LINGO2: variants seen among roughly 807,000 people sequenced by gnomAD.
The protein encoded by LINGO2 is leucine-rich repeat and immunoglobulin-like domain-containing nogo receptor-interacting protein 2.
Under a neutral mutation model 30.6 loss-of-function variants are expected in LINGO2, and 14 were observed. That is an observed-to-expected ratio of 0.46 (90% CI 0.30 to 0.72). The LOEUF is 0.72. LINGO2 is among the 30% of genes least tolerant of loss of function. The pLI, the probability that LINGO2 is intolerant of heterozygous loss-of-function variation, is 0.07. For missense variants in LINGO2, 729 were observed against 751.7 expected (o/e 0.97, Z 0.35); for synonymous variants, 317 against 288.5 (o/e 1.10, Z -1.00).
At chr9:28,087,585 T>C (rs1353595290) in intron 4 of LINGO2, among the ~76,000 whole-genome samples, 1 of 152,028 alleles carries the variant, frequency 6.6e-6, no homozygotes, top group Non-Finnish European at 1.5e-5. Context: ...GGGGAATCTT[T>C]TCCTGGAATG....
chr9:28,201,515 T>C (rs919387351), intron 4 of LINGO2, among the ~76,000 whole-genome samples: 2 of 150,394 alleles, frequency 1.3e-5, no homozygotes, highest in African/African-American at 2.5e-5. Context: ...TCTTTGCTAT[T>C]GTGAATAATG....
intron 4 of LINGO2, among the ~76,000 whole-genome samples, chr9:28,105,870 C>A (rs1363710565): frequency 6.6e-6 from 1 of 152,034 alleles, no homozygotes; most frequent in African/African-American, 2.4e-5. Context: ...GGATTTCTGG[C>A]CTATGGAACT....
chr9:28,052,887 A>T (rs1824740653), intron 4 of LINGO2, among the ~76,000 whole-genome samples: 1 of 152,120 alleles, frequency 6.6e-6, no homozygotes, highest in Admixed American at 6.6e-5. Flanking sequence ...TATCTAGATA[A>T]TTGCTACTGT....
the LINGO2 span, among the ~76,000 whole-genome samples, chr9:28,949,514 A>G: frequency 6.6e-6 from 1 of 152,210 alleles, no homozygotes. Flanking sequence ...ATCTAGAAGA[A>G]ATGGATAAAT....
chr9:28,789,100 A>C, the LINGO2 span, among the ~76,000 whole-genome samples: 1 of 152,168 alleles, frequency 6.6e-6, no homozygotes, highest in Non-Finnish European at 1.5e-5. Context: ...GATTTTGGAT[A>C]AACTTAGAAT....
chr9:28,176,605 G>T (rs2133688956), intron 4 of LINGO2, among the ~76,000 whole-genome samples: 1 of 152,232 alleles, frequency 6.6e-6, no homozygotes. Flanking sequence ...AGTACAAAAT[G>T]CTTGCACATA....
chr9:28,380,572 T>C (rs1471690454), intron 2 of LINGO2, among the ~76,000 whole-genome samples: 4 of 151,596 alleles, frequency 2.6e-5, no homozygotes, highest in Non-Finnish European at 5.9e-5. Context: ...ACATGTAGGG[T>C]AGGAGTGAGG....
intron 4 of LINGO2, among the ~76,000 whole-genome samples, chr9:28,276,672 T>C (rs987563775): frequency 2.0e-5 from 3 of 152,196 alleles, no homozygotes; most frequent in African/African-American, 7.2e-5. Flanking sequence ...CTTCATAATA[T>C]CTGTGATTGT....
the LINGO2 span, among the ~76,000 whole-genome samples, chr9:29,081,160 C>T: frequency 1.3e-5 from 2 of 151,970 alleles, no homozygotes; most frequent in Admixed American, 1.3e-4. Context: ...TGATGAACAT[C>T]GATGCAAAAA....
intron 4 of LINGO2, among the ~76,000 whole-genome samples, chr9:28,151,562 A>G (rs1329303339): frequency 6.6e-6 from 1 of 151,866 alleles, no homozygotes; most frequent in African/African-American, 2.4e-5. Flanking sequence ...GCTATGTAAT[A>G]TAATTCAAGA....
chr9:28,182,641 G>T (rs144847319), intron 4 of LINGO2, among the ~76,000 whole-genome samples: 3 of 151,946 alleles, frequency 2.0e-5, no homozygotes, highest in Non-Finnish European at 4.4e-5. Context: ...ACCAAAAGTG[G>T]GCAAAGGATA....
intron 4 of LINGO2, among the ~76,000 whole-genome samples, chr9:28,169,139 G>T (rs372919849): frequency 6.6e-6 from 1 of 152,122 alleles, no homozygotes; most frequent in South Asian, 2.1e-4. Flanking sequence ...ATGTTAAAAG[G>T]TGTGGAGACT....
chr9:28,330,196 CAAGAT>C (rs1196281055), intron 3 of LINGO2, among the ~76,000 whole-genome samples: 3 of 152,152 alleles, frequency 2.0e-5, no homozygotes, highest in African/African-American at 4.8e-5. Context: ...GCCTACAAGT[CAAGAT>C]AAGAGACCTC....
intron 5 of LINGO2, among the ~76,000 whole-genome samples, chr9:27,958,769 A>AG (rs58068341): frequency 0.068 from 10,362 of 152,130 alleles, 1,171 homozygotes; most frequent in African/African-American, 0.24. Context: ...CCTGTGGTTA[A>AG]GGGGGGACTA....
At chr9:28,952,891 T>C in the LINGO2 span, among the ~76,000 whole-genome samples, 1 of 152,238 alleles carries the variant, frequency 6.6e-6, no homozygotes, top group Non-Finnish European at 1.5e-5. Flanking sequence ...TATGCAGTGA[T>C]AAGTTACCCA....
chr9:28,160,109 G>GA (rs1008507649), intron 4 of LINGO2, among the ~76,000 whole-genome samples: 10 of 151,054 alleles, frequency 6.6e-5, no homozygotes, highest in East Asian at 1.9e-4. Context: ...TAGCAACTAT[G>GA]AAAAAAAAAT....
chr9:28,460,775 C>G (rs1199916409), intron 2 of LINGO2, among the ~76,000 whole-genome samples: 3 of 151,980 alleles, frequency 2.0e-5, no homozygotes, highest in Non-Finnish European at 4.4e-5. Context: ...TATTCTACAG[C>G]AATGAATTCC....
the LINGO2 span, among the ~76,000 whole-genome samples, chr9:28,841,228 A>G: frequency 1.3e-5 from 2 of 151,774 alleles, no homozygotes; most frequent in Non-Finnish European, 2.9e-5. Flanking sequence ...GTATATGTAC[A>G]TGTGGGATGG....
intron 2 of LINGO2, among the ~76,000 whole-genome samples, chr9:28,410,187 G>A (rs78901976): frequency 6.6e-6 from 1 of 150,874 alleles, no homozygotes; most frequent in African/African-American, 2.5e-5. Flanking sequence ...AAAGGAAAGG[G>A]AAAGGAAAGG....
Sources: allele counts gnomAD v4.1 joint callset (sites outside exome capture counted in the v4.1 genomes callset), GRCh38; gene constraint gnomAD v4.1.1; transcripts MANE v1.5; gene names NCBI Gene and HGNC (gene_info 2026-07-23, HGNC 2026-07-21).